The following PTPRS variants were observed in gnomAD, a reference collection of about 807,000 sequenced individuals.
PTPRS encodes receptor-type tyrosine-protein phosphatase S.
PTPRS carries 63 observed loss-of-function variants against 215.3 expected under a neutral mutation model. The ratio of observed to expected loss-of-function variants is 0.29; its 90% CI spans 0.24 to 0.36. The LOEUF (loss-of-function observed/expected upper bound fraction) is 0.36, where lower values mean the gene tolerates loss of function less well. PTPRS is among the 10% of genes least tolerant of loss of function. The pLI is 1.00. For synonymous variants in PTPRS, 1,404 were observed against 1,191.4 expected (o/e 1.18, Z -3.68); for missense variants, 2,258 against 2,825.8 (o/e 0.80, Z 4.56).
chr19:5,244,434 G>A lies in PTPRS; in HGVS notation c.1037C>T (p.Thr346Ile). The A allele has an allele frequency of 6.2e-7, 1 of 1,614,162 alleles. No homozygotes were observed. The highest frequency in any genetic ancestry group is 8.5e-7 in the Non-Finnish European group (1 of 1,180,022). The change falls in exon 11 of 38, where the codon ACC becomes ATC. Residue 346 changes from threonine (T) to isoleucine (I), a missense_variant. Thr to Ile is a moderately conservative substitution (Grantham distance 89, BLOSUM62 -1). Coordinates refer to ENST00000262963, the MANE Select transcript of PTPRS (RefSeq NM_002850.4). This position sits in a 1 kb window ranked among gnomAD's most constrained non-coding sequence, Gnocchi z 7.2. Reference protein sequence around the residue: ...GTPMVTENTATSITITWDSGN... With the variant: ...GTPMVTENTAISITITWDSGN... ...CGAGTCCCACGTGATGGTGATGCTGGTGGCTGTGTTCTCAGTCACCATGGG... is the reference window on the plus strand; with the variant it reads ...CGAGTCCCACGTGATGGTGATGCTGATGGCTGTGTTCTCAGTCACCATGGG...
intron 1 of PTPRS, among the ~76,000 whole-genome samples, chr19:5,335,453 T>TGAG (rs952173966): frequency 7.3e-5 from 11 of 151,580 alleles, no homozygotes; most frequent in African/African-American, 2.7e-4. Context: ...ATTCTGTAAG[T>TGAG]GAGGAAGCTC....
Position 5,221,240 on chromosome 19 carries a change from C to T in PTPRS, c.3215G>A (p.Gly1072Glu). ...SPTPYKIQYN[G>E]LTLDVDGRTT... ...ACGGCCATCCACATCCAGTGTGAGC[C>T]CATTGTACTGGATCTGCGGACCAGG... Residue 1072 changes from glycine to glutamate, a missense_variant, in exon 20 of 38, where the codon GGG becomes GAG. By Grantham distance (98) the Gly-to-Glu change is moderately conservative. Coordinates refer to ENST00000262963, the MANE Select transcript of PTPRS (RefSeq NM_002850.4). 6.2e-7 allele frequency: 1 copy of T among 1,613,132 alleles called. No homozygotes were observed. Among genetic ancestry groups the T allele is most frequent in the South Asian group, 1.1e-5 (1 of 91,006 alleles).
At chr19:5,301,637 G>A (rs2049307625) in intron 1 of PTPRS, among the ~76,000 whole-genome samples, 1 of 151,862 alleles carries the variant, frequency 6.6e-6, no homozygotes, top group South Asian at 2.1e-4. Context: ...TAATGGATCT[G>A]GCCACATCCT....
intron 11 of PTPRS, 35 bp from the exon 12 acceptor site, chr19:5,240,367 G>C (rs551130688): frequency 3.9e-6 from 6 of 1,549,290 alleles, no homozygotes; most frequent in Admixed American, 1.9e-5. Flanking sequence ...AGGAGTCGGG[G>C]AGCGTCCACC....
intron 17 of PTPRS, 75 bp from the exon 18 acceptor site, chr19:5,223,372 TTTAA>T: frequency 7.3e-7 from 1 of 1,371,804 alleles, no homozygotes. Context: ...GGGTTGTATT[TTTAA>T]TTCTTTTCCT....
intron 13 of PTPRS, among the ~76,000 whole-genome samples, chr19:5,232,692 ACTG>A (rs1029316242): frequency 3.3e-5 from 5 of 151,672 alleles, no homozygotes; most frequent in East Asian, 3.9e-4. Context: ...TTAGGCACCT[ACTG>A]TGTGCCAGGC....
intron 7 of PTPRS, among the ~76,000 whole-genome samples, chr19:5,259,306 T>C (rs375517266): frequency 6.6e-6 from 1 of 152,312 alleles, no homozygotes; most frequent in East Asian, 1.9e-4. Context: ...TCACTTTCCA[T>C]GAACCTATAA....
intron 2 of PTPRS, among the ~76,000 whole-genome samples, chr19:5,279,379 T>A (rs1281560189): frequency 1.3e-5 from 2 of 149,676 alleles, no homozygotes; most frequent in Non-Finnish European, 3.0e-5. Context: ...CTTCTTCTTA[T>A]TTTTTTTTAC....
chr19:5,319,410 T>G (rs2049965186), intron 1 of PTPRS, among the ~76,000 whole-genome samples: 1 of 144,406 alleles, frequency 6.9e-6, no homozygotes, highest in Non-Finnish European at 1.5e-5. Flanking sequence ...AGCCAGACCT[T>G]GTCTTTTTTT....
rs1568451445 is a variant in PTPRS at position 5,239,164 on chromosome 19, G to GCA, written c.1705-102_1705-101insTG. Reference sequence around the variant, plus strand: ...AGAGACAGAAACAGAGGGGGGAGGGGGAGAGAGAGAGAGAGAGAGAGAGAC... The same window carrying GCA: ...AGAGACAGAAACAGAGGGGGGAGGGGCAGAGAGAGAGAGAGAGAGAGAGAGAC... On this transcript the variant is annotated intron_variant, in intron 12 of 37. Transcript: ENST00000262963. 2.5e-4 allele frequency: 109 copies of GCA among 433,652 alleles called. No individual in the cohort carries two copies. In the East Asian group the frequency reaches 7.6e-3, roughly 30 times the overall value. The allele number at this position is 433,652 out of a possible 1,614,324, so 26.9% of individuals were successfully genotyped here. A position where few individuals can be genotyped will look rare whatever the true frequency, so the allele number is the denominator to read the frequency against.
Position 5,244,004 on chromosome 19 carries a change from G to A in PTPRS, c.1467C>T (p.Gly489=), listed in dbSNP as rs1398401496. 2.0e-6 allele frequency: 3 copies of A among 1,496,786 alleles called. No individual in the cohort carries two copies. The highest frequency in any genetic ancestry group is 1.8e-6 in the Non-Finnish European group (2 of 1,121,342). The allele number at this position is 1,496,786 out of a possible 1,614,324, so 92.7% of individuals were successfully genotyped here. ...TGTAGGTCTCGTCCTCCAGCAGGCT[G>A]CCCACGGTGGTCAGCAGGCTGTCGT... is the stretch of plus-strand genomic sequence containing the variant. The part of the protein sequence containing the change: ...NVDDSLLTTV[G]SLLEDETYTV... Residue 489 remains glycine, a synonymous_variant, in exon 11 of 38, where the codon GGC becomes GGT. Coordinates refer to ENST00000262963, the MANE Select transcript of PTPRS (RefSeq NM_002850.4). This position sits in a 1 kb window ranked among gnomAD's most constrained non-coding sequence, Gnocchi z 7.2.
chr19:5,239,659 CAGAG>C (rs1379493291), intron 12 of PTPRS, among the ~76,000 whole-genome samples: 1 of 146,534 alleles, frequency 6.8e-6, no homozygotes, highest in Non-Finnish European at 1.5e-5. Flanking sequence ...GAGACAGGGA[CAGAG>C]AAAGAGAGGA....
chr19:5,230,744 A>G (rs1024813779), intron 14 of PTPRS, among the ~76,000 whole-genome samples: 4 of 152,146 alleles, frequency 2.6e-5, no homozygotes, highest in African/African-American at 7.2e-5. Flanking sequence ...TACAGGCATG[A>G]GCCACTGTGC....
At chr19:5,292,774 G>C (rs1358837713) in intron 1 of PTPRS, 1 of 152,284 alleles carries the variant, frequency 6.6e-6, no homozygotes, top group Non-Finnish European at 1.5e-5. Flanking sequence ...CTTCTGCGAA[G>C]TCCCCAGTCA....
intron 12 of PTPRS, among the ~76,000 whole-genome samples, chr19:5,239,372 G>A (rs1166122274): frequency 2.0e-5 from 3 of 150,656 alleles, no homozygotes; most frequent in Non-Finnish European, 3.0e-5. Context: ...GGGACACAGA[G>A]ACAGAGATAG....
intron 5 of PTPRS, among the ~76,000 whole-genome samples, chr19:5,264,749 T>C (rs1021580386): frequency 7.2e-5 from 11 of 152,088 alleles, no homozygotes; most frequent in Non-Finnish European, 2.9e-5. Context: ...CATTATATCT[T>C]CATTGGCCAG....
intron 17 of PTPRS, 36 bp downstream of exon 17, chr19:5,225,691 G>A (rs1243448030): frequency 8.4e-6 from 13 of 1,554,358 alleles, no homozygotes; most frequent in Non-Finnish European, 1.2e-5. Flanking sequence ...GGGGCAAAGG[G>A]GCTGTTGGTG....
At chr19:5,249,090 C>T (rs968070731) in intron 9 of PTPRS, among the ~76,000 whole-genome samples, 2 of 152,188 alleles carry the variant, frequency 1.3e-5, no homozygotes, top group African/African-American at 4.8e-5. Flanking sequence ...GCAGGTGGAT[C>T]ACCTGAGATC....
chr19:5,243,245 C>A (rs2145930982), intron 11 of PTPRS, among the ~76,000 whole-genome samples: 1 of 152,032 alleles, frequency 6.6e-6, no homozygotes, highest in East Asian at 1.9e-4. Flanking sequence ...GATTCTCCTG[C>A]CTCAGCCTCC....
Sources: allele counts gnomAD v4.1 joint callset (sites outside exome capture counted in the v4.1 genomes callset), GRCh38; gene constraint gnomAD v4.1.1; non-coding constraint Gnocchi (gnomAD v3.1); transcripts MANE v1.5; gene names NCBI Gene and HGNC (gene_info 2026-07-23, HGNC 2026-07-21).